The following NBPF9 variants were observed in gnomAD, a reference collection of about 807,000 sequenced individuals.
The protein encoded by NBPF9 is NBPF family member NBPF9.
NBPF9 carries 91 observed loss-of-function variants against 97.8 expected under a neutral mutation model. The observed-to-expected ratio is 0.93, with a 90% CI of 0.79 to 1.11. The LOEUF is 1.11. Among genes scored for constraint, NBPF9 ranks in the 50% least tolerant of loss-of-function variants. The pLI is 0.00. For missense variants in NBPF9, 992 were observed against 939.5 expected (o/e 1.06, Z -0.73); for synonymous variants, 334 against 359.5 (o/e 0.93, Z 0.80).
chr1:149,102,011 C>T (rs1372029775), intron 2 of NBPF9, among the ~76,000 whole-genome samples: 3 of 112,764 alleles, frequency 2.7e-5, no homozygotes, highest in Non-Finnish European at 3.6e-5. Flanking sequence ...TCACTGCAAT[C>T]TCAACCTCCT....
At chr1:149,077,557 A>G in intron 10 of NBPF9, 138 bp from the exon 11 acceptor site, 2 of 891,638 alleles carry the variant, frequency 2.2e-6, no homozygotes, top group South Asian at 2.8e-5. Flanking sequence ...TTAAAGAGGG[A>G]ACAGGCAATC....
chr1:149,072,234 T>G (rs1378675157), intron 14 of NBPF9, among the ~76,000 whole-genome samples: 2 of 151,724 alleles, frequency 1.3e-5, no homozygotes, highest in Non-Finnish European at 2.9e-5. Context: ...GGCCTTCATC[T>G]CATTTTGGAA....
In NBPF9 at chr1:149,055,573, T is replaced by C. The variant is rs1182964069; in HGVS notation, c.*83A>G. 7.1e-6 allele frequency: 11 copies of C among 1,559,278 alleles called. No individual in the cohort carries two copies. The African/African-American group carries it at 1.2e-4, about 18-fold the overall frequency. ...CCCATCCTATGTCTGGGCTTCCAAA[T>C]GGAACTGTACTTTCATTCAAAACTT... On this transcript the variant is annotated 3_prime_UTR_variant, in exon 30 of 30. Coordinates refer to ENST00000584027, the Ensembl canonical transcript of NBPF9.
chr1:149,055,646 T>A (rs781784743), exon 30 of NBPF9: 23 of 1,611,708 alleles, frequency 1.4e-5, no homozygotes, highest in Middle Eastern at 4.5e-4. Context: ...CTCGGCTTAG[T>A]AAGGGCTGCT....
At chr1:149,082,212 A>T in intron 6 of NBPF9, 38 bp from the exon 7 acceptor site, 2 of 1,575,006 alleles carry the variant, frequency 1.3e-6, no homozygotes, top group East Asian at 2.2e-5. Flanking sequence ...TGGGTTAAAA[A>T]CTGGTGAAAT....
At chr1:149,072,871 G>T in exon 14 of NBPF9, 1 of 1,605,528 alleles carries the variant, frequency 6.2e-7, no homozygotes, top group African/African-American at 1.3e-5. Context: ...CTCCCTTCCC[G>T]CAACTTCTCC....
At chr1:149,095,623 CAAA>C (rs373341524) in intron 4 of NBPF9, among the ~76,000 whole-genome samples, 136 of 101,154 alleles carry the variant, frequency 1.3e-3, no homozygotes, top group South Asian at 6.4e-3. Context: ...CAACACAAAG[CAAA>C]AAAAAAAAAA....
chr1:149,075,436 A>T (rs1395414889), intron 12 of NBPF9, among the ~76,000 whole-genome samples: 2 of 152,226 alleles, frequency 1.3e-5, no homozygotes, highest in African/African-American at 4.8e-5. Flanking sequence ...TGGCAGTTTA[A>T]CTCTAGTCCC....
At chr1:149,064,807 C>T (rs2078924701) in intron 18 of NBPF9, 1 of 569,140 alleles carries the variant, frequency 1.8e-6, no homozygotes, top group East Asian at 3.2e-5. Context: ...AGAGATACTT[C>T]AATATTAAGC....
At chr1:149,086,143 T>C (rs1215501312) in intron 5 of NBPF9, among the ~76,000 whole-genome samples, 3 of 150,978 alleles carry the variant, frequency 2.0e-5, no homozygotes, top group African/African-American at 7.3e-5. Flanking sequence ...ATTGGACATT[T>C]CTATCATTCC....
chr1:149,053,934 T>A (rs60995307), downstream of NBPF9: 47 of 145,760 alleles, frequency 3.2e-4, no homozygotes, highest in African/African-American at 1.1e-3. Flanking sequence ...ACACTCACAC[T>A]CACGAAGAAT....
chr1:149,079,217 A>G (rs781839086), exon 9 of NBPF9: 13 of 835,322 alleles, frequency 1.6e-5, no homozygotes, highest in Middle Eastern at 3.4e-4. Context: ...AGGACTTTAT[A>G]TTGCCTAAGG....
chr1:149,077,685 A>G (rs2080014418), intron 10 of NBPF9, among the ~76,000 whole-genome samples, 198 bp downstream of exon 10: 2 of 152,118 alleles, frequency 1.3e-5, no homozygotes, highest in Admixed American at 1.3e-4. Flanking sequence ...CTATCCCTGT[A>G]TGGTACAGAC....
chr1:149,058,984 T>C (rs2078426086), exon 26 of NBPF9: 2 of 410,106 alleles, frequency 4.9e-6, no homozygotes, highest in Non-Finnish European at 8.6e-6. Context: ...AGCACTGCTG[T>C]AGGGCTGGCC....
rs1553653577 is a variant in NBPF9, at chr1:149,073,761, C to T, written c.1091+7G>A. On this transcript the variant is annotated splice_region_variant and intron_variant, in intron 13 of 29. Transcript: ENST00000584027. ...CCCCCCTGCCTGCCCCCATGGGGTC[C>T]CCTCACCTGAGCTCCTCAGCTTGCT... The T allele has an allele frequency of 2.5e-6, 4 of 1,580,030 alleles. No homozygotes were observed. Among genetic ancestry groups the T allele is most frequent in the Admixed American group, 3.3e-5 (2 of 59,720 alleles).
intron 17 of NBPF9, among the ~76,000 whole-genome samples, chr1:149,068,068 G>A (rs1260851168): frequency 6.8e-6 from 1 of 146,782 alleles, no homozygotes; most frequent in Non-Finnish European, 1.5e-5. Flanking sequence ...TTACAGAGAA[G>A]CAAATGCTGA....
intron 16 of NBPF9, among the ~76,000 whole-genome samples, chr1:149,070,637 C>G (rs1433921422): frequency 2.6e-5 from 4 of 151,652 alleles, no homozygotes; most frequent in African/African-American, 9.7e-5. Flanking sequence ...GACTTAATCA[C>G]AGATGACAAG....
intron 29 of NBPF9, among the ~76,000 whole-genome samples, chr1:149,056,105 A>AGAGACAG (rs1553648914): frequency 9.0e-6 from 1 of 111,002 alleles, no homozygotes; most frequent in Non-Finnish European, 2.1e-5. Context: ...CAGAGAGAGA[A>AGAGACAG]AGACAGAGAC....
chr1:149,052,248 G>T (rs587723285), downstream of NBPF9, among the ~76,000 whole-genome samples: 22 of 152,004 alleles, frequency 1.4e-4, no homozygotes, highest in South Asian at 4.0e-3. Context: ...TGATAAATTC[G>T]ACTTTATGAA....
Sources: gnomAD v4.1 joint callset for allele counts (sites outside exome capture counted in the v4.1 genomes callset) on GRCh38, gnomAD v4.1.1 for gene constraint, MANE v1.5 for transcripts, NCBI Gene and HGNC (gene_info 2026-07-23, HGNC 2026-07-21) for gene names.